TPPP: variants seen among roughly 807,000 people sequenced by gnomAD.
TPPP encodes tubulin polymerization-promoting protein.
A neutral mutation model predicts 15.5 loss-of-function variants in TPPP; 6 were observed. The observed-to-expected ratio is 0.39, with a 90% CI of 0.21 to 0.77. TPPP has a LOEUF of 0.77. Among genes scored for constraint, TPPP ranks in the 30% least tolerant of loss-of-function variants. TPPP has a pLI of 0.42. For synonymous variants in TPPP, 146 were observed against 133.9 expected (o/e 1.09, Z -0.63); for missense variants, 269 against 307.2 (o/e 0.88, Z 0.93).
chr5:675,041 T>C (rs1365581420), intron 2 of TPPP, among the ~76,000 whole-genome samples: 1 of 28,110 alleles, frequency 3.6e-5, no homozygotes, highest in South Asian at 1.7e-3. Flanking sequence ...GTGAGGGGGG[T>C]ACAGTATGGC....
At chr5:671,209 T>A (rs1740211009) in intron 2 of TPPP, among the ~76,000 whole-genome samples, 1 of 151,744 alleles carries the variant, frequency 6.6e-6, no homozygotes, top group East Asian at 1.9e-4. Flanking sequence ...TGCTGCTAAT[T>A]AATTTTGCGT....
intron 2 of TPPP, among the ~76,000 whole-genome samples, chr5:674,742 C>A (rs967217817): frequency 6.6e-6 from 1 of 151,796 alleles, no homozygotes; most frequent in Non-Finnish European, 1.5e-5. Context: ...CAGGGGATGG[C>A]AGGCTGGTCT....
chr5:673,912 C>T (rs994347227), intron 2 of TPPP, among the ~76,000 whole-genome samples: 6 of 152,376 alleles, frequency 3.9e-5, no homozygotes, highest in South Asian at 4.1e-4. Flanking sequence ...CCCCACCCAC[C>T]GCAGGGAGAG....
intron 2 of TPPP, among the ~76,000 whole-genome samples, chr5:672,610 G>C (rs758035941): frequency 3.2e-4 from 49 of 152,216 alleles, no homozygotes; most frequent in Non-Finnish European, 6.0e-4. Context: ...TGCAGTTGGG[G>C]AGGCAGCAGC....
chr5:675,383 CGCAGAGGGTGCAGT>C (rs1740385696), intron 2 of TPPP, among the ~76,000 whole-genome samples: 1 of 59,032 alleles, frequency 1.7e-5, no homozygotes, highest in Non-Finnish European at 3.0e-5. Context: ...GGGGGTGCAG[CGCAGAGGGTGCAGT>C]GTGGCCAGGG....
upstream of TPPP, among the ~76,000 whole-genome samples, chr5:693,593 G>T (rs1452821259): frequency 6.6e-6 from 1 of 151,706 alleles, no homozygotes; most frequent in Non-Finnish European, 1.5e-5. Flanking sequence ...TCCGCTCAGC[G>T]CAGGGCGCGG....
upstream of TPPP, among the ~76,000 whole-genome samples, chr5:696,930 ATG>A (rs144059115): frequency 0.074 from 10,872 of 146,762 alleles, no homozygotes; most frequent in East Asian, 0.18. Flanking sequence ...CTGTGTGTGC[ATG>A]TGTGTTTGCA....
At chr5:674,545 G>T (rs1245752116) in intron 2 of TPPP, among the ~76,000 whole-genome samples, 1 of 152,144 alleles carries the variant, frequency 6.6e-6, no homozygotes, top group African/African-American at 2.4e-5. Context: ...TCAGGACAAG[G>T]GCACTGTCTG....
Position 671,915 on chromosome 5 carries a change from G to C in TPPP, c.312-5792C>G, listed in dbSNP as rs542301418. Among the ~76,000 whole-genome samples the C allele has an allele frequency of 1.9e-3, 283 of 152,330 alleles. 1 individual carries two copies. Among genetic ancestry groups the C allele is most frequent in the African/African-American group, 6.4e-3 (268 of 41,586 alleles). Reference sequence around the variant, plus strand: ...CCCCGGGCTGGGTACCACGGGGGAGGGGGAGGGGAGCAATGCAGCCCTGAG... The same window carrying C: ...CCCCGGGCTGGGTACCACGGGGGAGCGGGAGGGGAGCAATGCAGCCCTGAG... On this transcript the variant is annotated intron_variant, in intron 2 of 3. Transcript: ENST00000360578.
intron 1 of TPPP, among the ~76,000 whole-genome samples, chr5:682,080 T>C (rs1342912298): frequency 6.6e-6 from 1 of 151,134 alleles, no homozygotes; most frequent in East Asian, 1.9e-4. Context: ...GCCTTCAGAC[T>C]GGACACTGGA....
In TPPP at chr5:660,898, C is replaced by T. The variant is rs1739564071; in HGVS notation, c.*4204G>A. The T allele has an allele frequency of 6.6e-6, 1 of 152,244 alleles. No homozygotes were observed. The highest frequency in any genetic ancestry group is 1.5e-5 in the Non-Finnish European group (1 of 68,050). 9.4% of individuals were successfully genotyped at this position (152,244 alleles called of 1,614,324 possible). A position where few individuals can be genotyped will look rare whatever the true frequency, so the allele number is the denominator to read the frequency against. On this transcript the variant is annotated 3_prime_UTR_variant, in exon 4 of 4. Coordinates refer to ENST00000360578, the MANE Select transcript of TPPP (RefSeq NM_007030.3). ...CACCAACAGGCAAGTGGGGCGGCCACAGGACATGATGCCAGCCCAACTCCA... is the reference window on the plus strand; with the variant it reads ...CACCAACAGGCAAGTGGGGCGGCCATAGGACATGATGCCAGCCCAACTCCA...
chr5:673,450 G>A (rs1740290798), intron 2 of TPPP, among the ~76,000 whole-genome samples: 1 of 152,032 alleles, frequency 6.6e-6, no homozygotes, highest in Admixed American at 6.5e-5. Context: ...GTCCATGGCT[G>A]CAGGTGAATG....
At chr5:679,428 C>CT (rs896656473) in intron 1 of TPPP, among the ~76,000 whole-genome samples, 43 of 107,638 alleles carry the variant, frequency 4.0e-4, no homozygotes, top group Admixed American at 2.2e-3. Context: ...GAAGGGCCGC[C>CT]TGGGGGCAGG....
chr5:669,725 G>A (rs555247692), intron 2 of TPPP, among the ~76,000 whole-genome samples: 78 of 152,108 alleles, frequency 5.1e-4, no homozygotes, highest in Non-Finnish European at 8.1e-4. Context: ...TGCTCTGCGC[G>A]CTCCCCGAGT....
In TPPP at chr5:665,050, C is replaced by T. The variant is rs372932216; in HGVS notation, c.*52G>A. ...AGGAATGTAATGAAGTGCGAGGTGA[C>T]AGAGTCCCTGCTCTGGGGACACCGG... On this transcript the variant is annotated 3_prime_UTR_variant, in exon 4 of 4. Transcript: ENST00000360578. The T allele has an allele frequency of 1.3e-6, 2 of 1,568,530 alleles. No homozygotes were observed. Among genetic ancestry groups the T allele is most frequent in the East Asian group, 2.2e-5 (1 of 44,570 alleles).
upstream of TPPP, chr5:693,499 C>G (rs990361196): frequency 1.6e-5 from 1 of 63,562 alleles, no homozygotes; most frequent in Non-Finnish European, 3.0e-5. Context: ...CCCCGCCGCC[C>G]CACCCGGCCC....
chr5:698,013 C>T (rs6887567), upstream of TPPP, among the ~76,000 whole-genome samples: 5,434 of 143,640 alleles, frequency 0.038, 320 homozygotes, highest in African/African-American at 0.13. Flanking sequence ...ATCCCAGGGA[C>T]GCAAATCAAT....
chr5:677,514 G>C (rs935668903), intron 2 of TPPP, among the ~76,000 whole-genome samples: 2 of 152,156 alleles, frequency 1.3e-5, no homozygotes, highest in Non-Finnish European at 2.9e-5. Context: ...GAGGAGCCAG[G>C]GCTGCCACTC....
chr5:698,755 G>A, the TPPP span, among the ~76,000 whole-genome samples: 16 of 151,976 alleles, frequency 1.1e-4, no homozygotes, highest in East Asian at 1.5e-3. Flanking sequence ...ATTTGGGTGC[G>A]GACACAGCCA....
Sources: allele counts gnomAD v4.1 joint callset (sites outside exome capture counted in the v4.1 genomes callset), GRCh38; gene constraint gnomAD v4.1.1; transcripts MANE v1.5; gene names NCBI Gene and HGNC (gene_info 2026-07-23, HGNC 2026-07-21).